Variants in NLRP1 observed in about 807,000 individuals in gnomAD.
NLRP1 encodes the protein NLR family pyrin domain containing 1.
A neutral mutation model predicts 136.7 loss-of-function variants in NLRP1; 94 were observed. That is an observed-to-expected ratio of 0.69 (90% confidence interval 0.58 to 0.82). The LOEUF is 0.82. NLRP1 is among the 40% of genes least tolerant of loss of function. NLRP1 has a pLI of 0.00. For missense variants in NLRP1, 1,575 were observed against 1,802.7 expected (o/e 0.87, Z 2.29); for synonymous variants, 690 against 725.1 (o/e 0.95, Z 0.78).
intron 7 of NLRP1, among the ~76,000 whole-genome samples, chr17:5,538,307 C>T (rs766984927): frequency 1.4e-4 from 22 of 152,142 alleles, no homozygotes; most frequent in African/African-American, 3.9e-4. Flanking sequence ...CTGGGGCCTA[C>T]GGGATGGGAA....
intron 5 of NLRP1, among the ~76,000 whole-genome samples, chr17:5,543,535 T>TA (rs1912146119): frequency 6.6e-6 from 1 of 152,032 alleles, no homozygotes; most frequent in African/African-American, 2.4e-5. Flanking sequence ...CCATGAAAGT[T>TA]CCTGAGGCCA....
intron 3 of NLRP1, 66 bp downstream of exon 3, chr17:5,581,793 G>A: frequency 7.7e-7 from 1 of 1,302,778 alleles, no homozygotes; most frequent in Non-Finnish European, 1.1e-6. Flanking sequence ...GTCCCCAGGG[G>A]ACTCTTTGTC....
chr17:5,552,870 T>C (rs2151793605), intron 5 of NLRP1, among the ~76,000 whole-genome samples: 1 of 152,366 alleles, frequency 6.6e-6, no homozygotes. Flanking sequence ...CCAATCCATT[T>C]TTCATGTTGC....
intron 11 of NLRP1, among the ~76,000 whole-genome samples, chr17:5,531,910 G>A (rs1405598537): frequency 6.6e-6 from 1 of 152,106 alleles, no homozygotes; most frequent in African/African-American, 2.4e-5. Flanking sequence ...ATATAACAAA[G>A]AAAATAAAAT....
downstream of NLRP1, chr17:5,512,230 T>A (rs1362096886): frequency 2.7e-6 from 4 of 1,496,772 alleles, no homozygotes; most frequent in African/African-American, 5.5e-5. Context: ...ACCACTACCA[T>A]CAGCATAGAG....
At chr17:5,575,511 C>A (rs560939793) in intron 3 of NLRP1, among the ~76,000 whole-genome samples, 395 of 152,070 alleles carry the variant, frequency 2.6e-3, no homozygotes, top group Non-Finnish European at 3.7e-3. Context: ...CCAACAAAGA[C>A]TAAAAGAGAC....
chr17:5,507,267 A>C (rs1027916451), intron 15 of NLRP1, among the ~76,000 whole-genome samples: 2 of 152,184 alleles, frequency 1.3e-5, no homozygotes, highest in African/African-American at 4.8e-5. Flanking sequence ...ATAATGAAAA[A>C]ATAACTGTGA....
intron 3 of NLRP1, 65 bp downstream of exon 3, chr17:5,581,794 A>T: frequency 7.7e-7 from 1 of 1,306,244 alleles, no homozygotes; most frequent in Non-Finnish European, 1.1e-6. Context: ...TCCCCAGGGG[A>T]CTCTTTGTCC....
At chr17:5,529,556 C>T (rs914081809) in intron 12 of NLRP1, among the ~76,000 whole-genome samples, 2 of 152,068 alleles carry the variant, frequency 1.3e-5, no homozygotes, top group East Asian at 1.9e-4. Context: ...TTAGTAGAGA[C>T]GGGGTTTCAC....
intron 5 of NLRP1, 94 bp from the exon 6 acceptor site, chr17:5,542,121 G>T: frequency 7.9e-7 from 1 of 1,273,506 alleles, no homozygotes; most frequent in Non-Finnish European, 1.1e-6. Context: ...TATGCACCAG[G>T]CCTGTGGGCC....
At chr17:5,562,203 T>C (rs9897411) in intron 3 of NLRP1, among the ~76,000 whole-genome samples, 43,584 of 152,214 alleles carry the variant, frequency 0.29, 7,968 homozygotes, top group Non-Finnish European at 0.4. Flanking sequence ...CCTGTTCCTC[T>C]GGGAAGCACC....
rs1339153102 is a variant in NLRP1 at position 5,517,352 on chromosome 17, C to CT, written c.4057+393_4057+394insA. ...TAAACTGTGATAGTGCACTCTGCAC[C>CT]CCCCCCCCTCCCACATACACAGACT... is the stretch of plus-strand genomic sequence containing the variant. On this transcript the variant is annotated intron_variant, in intron 15 of 16. Transcript: ENST00000572272. 2.8e-5 allele frequency among the ~76,000 whole-genome samples: 2 copies of CT among 70,380 alleles called. 1 individual carries two copies. Among genetic ancestry groups the CT allele is most frequent in the African/African-American group, 1.1e-4 (2 of 18,494 alleles). The allele number at this position is 70,380 out of a possible 152,430, so 46.2% of individuals were successfully genotyped here.
chr17:5,534,992 C>T (rs544838938), intron 8 of NLRP1, among the ~76,000 whole-genome samples: 2 of 152,278 alleles, frequency 1.3e-5, no homozygotes, highest in Non-Finnish European at 2.9e-5. Context: ...GAGGCTGAGG[C>T]GGGCAGATCA....
At chr17:5,529,449 G>T (rs865971611) in intron 12 of NLRP1, among the ~76,000 whole-genome samples, 27 of 150,810 alleles carry the variant, frequency 1.8e-4, no homozygotes, top group Admixed American at 1.3e-4. Flanking sequence ...CTCACTGCAA[G>T]CTCCACCTCC....
intron 11 of NLRP1, among the ~76,000 whole-genome samples, chr17:5,531,932 G>A (rs1180014434): frequency 2.0e-5 from 3 of 152,120 alleles, no homozygotes; most frequent in African/African-American, 2.4e-5. Context: ...AGTGGACCTT[G>A]TTTGGATCCT....
intron 5 of NLRP1, among the ~76,000 whole-genome samples, chr17:5,543,438 G>A (rs1240218367): frequency 6.6e-6 from 1 of 152,088 alleles, no homozygotes; most frequent in Non-Finnish European, 1.5e-5. Flanking sequence ...AAAGTCTGAG[G>A]GTAAAGCTAG....
chr17:5,562,340 G>A (rs1040321108), intron 3 of NLRP1, among the ~76,000 whole-genome samples: 1 of 152,254 alleles, frequency 6.6e-6, no homozygotes, highest in Admixed American at 6.5e-5. Flanking sequence ...TGAGATGTCC[G>A]AGTTTGTAGG....
At chr17:5,565,151 G>T (rs1462981637) in intron 3 of NLRP1, among the ~76,000 whole-genome samples, 1 of 152,158 alleles carries the variant, frequency 6.6e-6, no homozygotes, top group Non-Finnish European at 1.5e-5. Flanking sequence ...ACAAGAATTT[G>T]TTCTTGCCTG....
At position 5,530,503 on chromosome 17, in the gene NLRP1, G is replaced by A. The variant is rs201587464; in HGVS notation, c.3498C>T (p.Leu1166=). 3.1e-6 allele frequency: 5 copies of A among 1,613,902 alleles called. No homozygotes were observed. Among genetic ancestry groups the A allele is most frequent in the South Asian group, 1.1e-5 (1 of 91,080 alleles). ...TACCTTGGAGAGCCACAAAGTGAGG[G>A]AGGTGCACAGCTTCCACAGCTCCAG... ...AEPGAVEAVH[L]PHFVALQGGH... Residue 1166 remains leucine, a synonymous_variant, in exon 12 of 17, where the codon CTC becomes CTT. Coordinates refer to ENST00000572272, the MANE Select transcript of NLRP1 (RefSeq NM_033004.4).
Sources: allele counts gnomAD v4.1 joint callset (sites outside exome capture counted in the v4.1 genomes callset), GRCh38; gene constraint gnomAD v4.1.1; transcripts MANE v1.5; gene names NCBI Gene and HGNC (gene_info 2026-07-23, HGNC 2026-07-21).